Variants in LPAR1 observed in about 807,000 individuals in gnomAD.
The protein encoded by LPAR1 is LPA receptor 1.
Under a neutral mutation model 23.8 loss-of-function variants are expected in LPAR1, and 5 were observed. The ratio of observed to expected loss-of-function variants is 0.21; its 90% CI spans 0.11 to 0.44. The LOEUF (loss-of-function observed/expected upper bound fraction) is 0.44, where lower values mean the gene tolerates loss of function less well. LPAR1 is among the 20% of genes least tolerant of loss of function. The pLI is 0.99. For synonymous variants in LPAR1, 160 were observed against 164.7 expected, an observed-to-expected ratio of 0.97 and a Z score of 0.22; for missense variants, 311 against 482.8, an observed-to-expected ratio of 0.64 and a Z score of 3.33.
chr9:111,034,099 A>G (rs1489370992), intron 2 of LPAR1, among the ~76,000 whole-genome samples: 3 of 152,220 alleles, frequency 2.0e-5, no homozygotes, highest in Non-Finnish European at 4.4e-5. Flanking sequence ...ATATATAGAA[A>G]GCAAGTTACT....
intron 4 of LPAR1, among the ~76,000 whole-genome samples, chr9:110,945,848 ACACT>A (rs2095359006): frequency 1.3e-5 from 2 of 152,132 alleles, no homozygotes; most frequent in African/African-American, 4.8e-5. Flanking sequence ...CACATGACTG[ACACT>A]CAATCTTCTT....
chr9:110,906,938 A>T (rs879289967), intron 5 of LPAR1, among the ~76,000 whole-genome samples: 5,676 of 152,268 alleles, frequency 0.037, 172 homozygotes, highest in Non-Finnish European at 0.046. Context: ...TATTGATGCA[A>T]AAGGGATTCA....
chr9:110,904,353 T>C (rs2090480136), intron 5 of LPAR1, among the ~76,000 whole-genome samples: 1 of 152,074 alleles, frequency 6.6e-6, no homozygotes. Flanking sequence ...GTGGGAAAGG[T>C]AAAAGCATTT....
At chr9:110,937,490 C>A (rs1363999101) in intron 5 of LPAR1, among the ~76,000 whole-genome samples, 1 of 152,272 alleles carries the variant, frequency 6.6e-6, no homozygotes, top group East Asian at 1.9e-4. Flanking sequence ...CTCCTTACCT[C>A]AGTTTTTATC....
intron 5 of LPAR1, among the ~76,000 whole-genome samples, chr9:110,929,649 G>A (rs2094263039): frequency 6.6e-6 from 1 of 151,282 alleles, no homozygotes; most frequent in Non-Finnish European, 1.5e-5. Context: ...GAAAATCCAT[G>A]TAATATAGAA....
At chr9:110,985,642 T>C (rs2096765543) in intron 2 of LPAR1, among the ~76,000 whole-genome samples, 1 of 152,122 alleles carries the variant, frequency 6.6e-6, no homozygotes, top group South Asian at 2.1e-4. Flanking sequence ...TCAAAGACTG[T>C]ATTCCCAGCT....
chr9:110,987,672 A>G (rs1201118052), intron 2 of LPAR1, among the ~76,000 whole-genome samples: 3 of 37,810 alleles, frequency 7.9e-5, no homozygotes, highest in African/African-American at 3.9e-4. Context: ...ACCTACATGT[A>G]TATATATATA....
intron 2 of LPAR1, among the ~76,000 whole-genome samples, chr9:111,005,546 C>CAAAAAAAAAAAAAAAAA (rs60143050): frequency 1.4e-5 from 1 of 70,334 alleles, no homozygotes; most frequent in African/African-American, 7.4e-5. Flanking sequence ...GACCCTGTCT[C>CAAAAAAAAAAAAAAAAA]AAAAAAAAAA....
chr9:110,944,884 CTT>C (rs1315292979), intron 4 of LPAR1, among the ~76,000 whole-genome samples: 1 of 152,118 alleles, frequency 6.6e-6, no homozygotes, highest in Non-Finnish European at 1.5e-5. Context: ...ATTGGACTAA[CTT>C]ATACATAAGG....
chr9:110,888,911 G>A (rs1437367657), intron 5 of LPAR1, among the ~76,000 whole-genome samples: 1 of 152,190 alleles, frequency 6.6e-6, no homozygotes, highest in Non-Finnish European at 1.5e-5. Flanking sequence ...ACTGATGACA[G>A]TTCAGTGGAG....
intron 5 of LPAR1, among the ~76,000 whole-genome samples, chr9:110,881,908 A>C (rs978525661): frequency 1.3e-5 from 2 of 152,096 alleles, no homozygotes; most frequent in Admixed American, 1.3e-4. Context: ...AGTTTCTTGG[A>C]TCTCATCTCT....
At chr9:110,946,311 A>G (rs2095376342) in intron 4 of LPAR1, among the ~76,000 whole-genome samples, 1 of 152,184 alleles carries the variant, frequency 6.6e-6, no homozygotes, top group African/African-American at 2.4e-5. Flanking sequence ...ATTGCCTAAA[A>G]AGAAAGGTCT....
chr9:110,967,618 T>G (rs1210248413), intron 4 of LPAR1, among the ~76,000 whole-genome samples: 1 of 152,216 alleles, frequency 6.6e-6, no homozygotes, highest in African/African-American at 2.4e-5. Flanking sequence ...GAAAGCAAGT[T>G]GATGTGCCAG....
chr9:110,964,466 C>A (rs1253663424), intron 4 of LPAR1, among the ~76,000 whole-genome samples: 1 of 152,048 alleles, frequency 6.6e-6, no homozygotes, highest in African/African-American at 2.4e-5. Context: ...TGCATATTAA[C>A]ATAAGGGGAT....
chr9:110,896,763 G>T (rs1013118210), intron 5 of LPAR1, among the ~76,000 whole-genome samples: 7 of 150,086 alleles, frequency 4.7e-5, no homozygotes, highest in Non-Finnish European at 7.4e-5. Context: ...ACTTGTATTT[G>T]AATATGCAAC....
At chr9:110,993,305 G>A (rs2096932700) in intron 2 of LPAR1, among the ~76,000 whole-genome samples, 1 of 152,066 alleles carries the variant, frequency 6.6e-6, no homozygotes, top group South Asian at 2.1e-4. Flanking sequence ...CCCCTGGTGT[G>A]TGATGTTCCC....
intron 5 of LPAR1, among the ~76,000 whole-genome samples, chr9:110,932,037 G>A (rs1360306683): frequency 1.3e-5 from 2 of 152,170 alleles, no homozygotes; most frequent in African/African-American, 4.8e-5. Flanking sequence ...CTTAAAAAAA[G>A]TCCTGAGAGG....
chr9:111,010,357 C>A (rs1345895297), intron 2 of LPAR1, among the ~76,000 whole-genome samples: 1 of 151,908 alleles, frequency 6.6e-6, no homozygotes, highest in Non-Finnish European at 1.5e-5. Flanking sequence ...AGGGAGAGAA[C>A]AAGAGCGCCA....
intron 2 of LPAR1, among the ~76,000 whole-genome samples, chr9:111,005,507 C>T (rs72751816): frequency 0.056 from 7,444 of 133,580 alleles, 262 homozygotes; most frequent in Non-Finnish European, 0.068. Context: ...GTGATGGCAC[C>T]ACTGTACTCC....
Sources: allele counts gnomAD v4.1 joint callset (sites outside exome capture counted in the v4.1 genomes callset), GRCh38; gene constraint gnomAD v4.1.1; transcripts MANE v1.5; gene names NCBI Gene and HGNC (gene_info 2026-07-23, HGNC 2026-07-21).